PPP3R1: variants seen among roughly 807,000 people sequenced by gnomAD.
The protein encoded by PPP3R1 is protein phosphatase 3 regulatory subunit B, alpha.
A neutral mutation model predicts 22.6 loss-of-function variants in PPP3R1; 5 were observed. That is an observed-to-expected ratio of 0.22 (90% confidence interval 0.12 to 0.46). The LOEUF (loss-of-function observed/expected upper bound fraction) is 0.46, where lower values mean the gene tolerates loss of function less well. Among genes scored for constraint, PPP3R1 ranks in the 20% least tolerant of loss-of-function variants. The pLI, the probability that PPP3R1 is intolerant of heterozygous loss-of-function variation, is 0.99. For synonymous variants in PPP3R1, 56 were observed against 65.2 expected, an observed-to-expected ratio of 0.86 and a Z score of 0.68; for missense variants, 61 against 203.2, an observed-to-expected ratio of 0.30 and a Z score of 4.25.
intron 2 of PPP3R1, among the ~76,000 whole-genome samples, chr2:68,202,433 GTTGTTT>G (rs972226799): frequency 2.4e-4 from 34 of 143,456 alleles, no homozygotes; most frequent in Middle Eastern, 3.4e-3. Flanking sequence ...TGTTGTTGTT[GTTGTTT>G]TTTGAGATGG....
rs1007597553 is a variant in PPP3R1, at chr2:68,211,242, T to C, written c.43+5850A>G. ...TAACACAATGAAACCCTGTCTCTACTAAAAATACAAAAAAATTAGCCCGGC... is the reference window on the plus strand; with the variant it reads ...TAACACAATGAAACCCTGTCTCTACCAAAAATACAAAAAAATTAGCCCGGC... On this transcript the variant is annotated intron_variant, in intron 2 of 5. Transcript: ENST00000234310. 1.2e-4 allele frequency among the ~76,000 whole-genome samples: 18 copies of C among 145,556 alleles called. No individual in the cohort carries two copies. In the East Asian group the frequency reaches 3.1e-3, roughly 25 times the overall value.
At chr2:68,247,651 T>C (rs1670262224) in intron 1 of PPP3R1, among the ~76,000 whole-genome samples, 1 of 152,230 alleles carries the variant, frequency 6.6e-6, no homozygotes, top group Non-Finnish European at 1.5e-5. Context: ...GTATTCCCCA[T>C]GTATTCCTAA....
chr2:68,190,420 C>G (rs1415934499), intron 2 of PPP3R1, among the ~76,000 whole-genome samples: 3 of 151,932 alleles, frequency 2.0e-5, no homozygotes, highest in Admixed American at 6.6e-5. Context: ...CAAAAATTAG[C>G]CGGGAGTGAT....
At chr2:68,226,089 T>A (rs547665101) in intron 1 of PPP3R1, among the ~76,000 whole-genome samples, 31 of 152,274 alleles carry the variant, frequency 2.0e-4, no homozygotes, top group Non-Finnish European at 4.0e-4. Context: ...CAAAAAGCTA[T>A]GTGCTGTATG....
intron 2 of PPP3R1, among the ~76,000 whole-genome samples, chr2:68,212,306 C>A (rs1381500516): frequency 6.6e-6 from 1 of 152,166 alleles, no homozygotes; most frequent in Non-Finnish European, 1.5e-5. Flanking sequence ...GTCTCAAATG[C>A]CTGACCTCAG....
intron 1 of PPP3R1, among the ~76,000 whole-genome samples, chr2:68,228,715 A>C (rs978056071): frequency 6.6e-6 from 1 of 151,618 alleles, no homozygotes; most frequent in African/African-American, 2.4e-5. Context: ...TAGGTTCTTG[A>C]AGTGGGAGCT....
At position 68,188,777 on chromosome 2, in the gene PPP3R1, A is replaced by C. The variant is rs938044139; in HGVS notation, c.44-87T>G. The stretch of plus-strand genomic sequence containing the variant: ...GGGCAGTAGCAAGATTTTAAAAAAA[A>C]TTTTAATAGTTATAGGGGGGAAAAA... On this transcript the variant is annotated intron_variant, in intron 2 of 5. Coordinates refer to ENST00000234310, the MANE Select transcript of PPP3R1 (RefSeq NM_000945.4). 26 of 1,239,802 alleles carry C rather than the reference A, an allele frequency of 2.1e-5. No individual in the cohort carries two copies. The African/African-American group carries it at 4.0e-4, about 19-fold the overall frequency. The allele number at this position is 1,239,802 out of a possible 1,614,324, so 76.8% of individuals were successfully genotyped here. A position where few individuals can be genotyped will look rare whatever the true frequency, so the allele number is the denominator to read the frequency against.
At chr2:68,212,178 T>C (rs986702497) in intron 2 of PPP3R1, among the ~76,000 whole-genome samples, 3 of 152,170 alleles carry the variant, frequency 2.0e-5, no homozygotes, top group African/African-American at 7.2e-5. Context: ...CCTCAGGAGT[T>C]CAAGCCATTC....
At chr2:68,251,345 C>T (rs1360309666) in intron 1 of PPP3R1, among the ~76,000 whole-genome samples, 1 of 152,140 alleles carries the variant, frequency 6.6e-6, no homozygotes. Context: ...ACAACCACTC[C>T]AAGAGAGAGA....
chr2:68,187,239 G>A lies in PPP3R1; in HGVS notation c.280+16C>T. 1.3e-6 allele frequency: 2 copies of A among 1,587,110 alleles called. No individual in the cohort carries two copies. Among genetic ancestry groups the A allele is most frequent in the Non-Finnish European group, 1.7e-6 (2 of 1,159,266 alleles). ...GGTAGTATAAGAGAATGAAGTCAGT[G>A]AAGAAAAATACTTACACCTCAATTT... On this transcript the variant is annotated intron_variant, in intron 4 of 5. Transcript: ENST00000234310.
intron 1 of PPP3R1, among the ~76,000 whole-genome samples, chr2:68,222,852 T>C (rs973750153): frequency 1.9e-4 from 29 of 151,448 alleles, no homozygotes; most frequent in African/African-American, 6.3e-4. Flanking sequence ...GGCAGACAAA[T>C]AGGTACAAAG....
At chr2:68,196,958 C>G (rs1674790745) in intron 2 of PPP3R1, among the ~76,000 whole-genome samples, 1 of 152,190 alleles carries the variant, frequency 6.6e-6, no homozygotes. Flanking sequence ...CTTCTGACCT[C>G]AGGTGATCTG....
At chr2:68,209,794 G>C (rs1259008193) in intron 2 of PPP3R1, among the ~76,000 whole-genome samples, 1 of 151,910 alleles carries the variant, frequency 6.6e-6, no homozygotes, top group Non-Finnish European at 1.5e-5. Context: ...ATCCAAGTTT[G>C]TAAGACACAA....
chr2:68,206,306 G>A (rs1438924755), intron 2 of PPP3R1, among the ~76,000 whole-genome samples: 1 of 152,194 alleles, frequency 6.6e-6, no homozygotes, highest in Non-Finnish European at 1.5e-5. Flanking sequence ...CAAAAGCACA[G>A]GGGAAGGGCT....
At chr2:68,198,257 GTA>G (rs1419212550) in intron 2 of PPP3R1, among the ~76,000 whole-genome samples, 1 of 144,282 alleles carries the variant, frequency 6.9e-6, no homozygotes, top group African/African-American at 2.5e-5. Flanking sequence ...ACATACATAT[GTA>G]TACATACATA....
rs375672729 is a variant in PPP3R1, at chr2:68,203,037, C to G, written c.43+14055G>C. ...CAAGGTAACCCAAACTATTTAAGTT[C>G]ATGTACTATACTTAAGAAAATCCTT... On this transcript the variant is annotated intron_variant, in intron 2 of 5. Transcript: ENST00000234310. Among the ~76,000 whole-genome samples, 3 of 152,034 alleles carry G rather than the reference C, an allele frequency of 2.0e-5. No individual in the cohort carries two copies. The East Asian group carries it at 5.8e-4, about 29-fold the overall frequency.
At chr2:68,225,903 C>G (rs1258946745) in intron 1 of PPP3R1, among the ~76,000 whole-genome samples, 1 of 152,180 alleles carries the variant, frequency 6.6e-6, no homozygotes, top group Non-Finnish European at 1.5e-5. Context: ...CTTTATTCAG[C>G]TTTATTCTTA....
intron 1 of PPP3R1, among the ~76,000 whole-genome samples, chr2:68,243,943 T>A (rs962781294): frequency 3.9e-5 from 6 of 152,004 alleles, no homozygotes; most frequent in African/African-American, 1.4e-4. Flanking sequence ...CAAAAAACTC[T>A]TCGAAGAATA....
chr2:68,251,545 G>T (rs919207530), intron 1 of PPP3R1, among the ~76,000 whole-genome samples: 2 of 152,232 alleles, frequency 1.3e-5, no homozygotes, highest in Non-Finnish European at 2.9e-5. Context: ...GCGCACCGCA[G>T]CTAAACCGAC....
Sources: allele counts gnomAD v4.1 joint callset (sites outside exome capture counted in the v4.1 genomes callset), GRCh38; gene constraint gnomAD v4.1.1; transcripts MANE v1.5; gene names NCBI Gene and HGNC (gene_info 2026-07-23, HGNC 2026-07-21).